The following CPQ variants were observed in gnomAD, a reference collection of about 807,000 sequenced individuals.
CPQ encodes the protein Ser-Met dipeptidase.
Under a neutral mutation model 45.7 loss-of-function variants are expected in CPQ, and 37 were observed. That is an observed-to-expected ratio of 0.81 (90% CI 0.62 to 1.07). CPQ has a LOEUF of 1.07. Among genes scored for constraint, CPQ ranks in the 50% least tolerant of loss-of-function variants. The pLI is 0.00. For missense variants in CPQ, 537 were observed against 572.9 expected, an observed-to-expected ratio of 0.94 and a Z score of 0.64; for synonymous variants, 186 against 205.8, an observed-to-expected ratio of 0.90 and a Z score of 0.82.
rs560939975 is a variant in CPQ at position 96,685,283 on chromosome 8, T to C, written c.-35+39881T>C. Among the ~76,000 whole-genome samples the C allele has an allele frequency of 4.6e-4, 70 of 152,312 alleles. 1 individual carries two copies. Among genetic ancestry groups the C allele is most frequent in the African/African-American group, 1.6e-3 (68 of 41,580 alleles). ...TCAATTTTAATGGGTTCTGAGTTTT[T>C]TGACAGAATTAGAAAATCTTTATTG... On this transcript the variant is annotated intron_variant, in intron 1 of 7. Transcript: ENST00000220763.
At chr8:96,699,148 A>G (rs910432594) in intron 1 of CPQ, among the ~76,000 whole-genome samples, 3 of 152,216 alleles carry the variant, frequency 2.0e-5, no homozygotes, top group Non-Finnish European at 4.4e-5. Context: ...GTACTATTCA[A>G]CCACAAAAAG....
Position 97,143,210 on chromosome 8 carries a change from G to A in CPQ, c.*27G>A. The stretch of plus-strand genomic sequence containing the variant: ...AACAGTAAGAAAGAAACGTTTTCAT[G>A]CTTCTGGCCAGGAATCCTGGGTCTG... On this transcript the variant is annotated 3_prime_UTR_variant, in exon 8 of 8. Transcript: ENST00000220763. 6.2e-7 allele frequency: 1 copy of A among 1,608,940 alleles called. No individual in the cohort carries two copies. The highest frequency in any genetic ancestry group is 1.4e-5 in the African/African-American group (1 of 73,904).
chr8:96,855,274 A>G (rs1020061044), intron 3 of CPQ, among the ~76,000 whole-genome samples: 1 of 152,208 alleles, frequency 6.6e-6, no homozygotes, highest in Non-Finnish European at 1.5e-5. Flanking sequence ...AAGTTGATAC[A>G]TAACAATCAC....
chr8:97,054,965 C>G (rs1396419423), intron 6 of CPQ, among the ~76,000 whole-genome samples: 1 of 152,140 alleles, frequency 6.6e-6, no homozygotes, highest in Non-Finnish European at 1.5e-5. Context: ...GGGAAGTCTA[C>G]AGATAGCCAT....
At chr8:96,830,619 A>G (rs149369254) in intron 2 of CPQ, among the ~76,000 whole-genome samples, 5 of 152,266 alleles carry the variant, frequency 3.3e-5, no homozygotes, top group Admixed American at 6.5e-5. Context: ...TCAGTCCCAC[A>G]TTCTCTTCAG....
At chr8:96,730,586 T>A (rs1809898738) in intron 1 of CPQ, among the ~76,000 whole-genome samples, 1 of 151,952 alleles carries the variant, frequency 6.6e-6, no homozygotes, top group South Asian at 2.1e-4. Flanking sequence ...TGGTTGTCAG[T>A]GGGCCTATAA....
chr8:97,130,193 T>A (rs1355297703), intron 7 of CPQ, among the ~76,000 whole-genome samples: 2 of 152,174 alleles, frequency 1.3e-5, no homozygotes, highest in Non-Finnish European at 2.9e-5. Flanking sequence ...CGCTTTCCTC[T>A]CCACCTTTTA....
intron 3 of CPQ, among the ~76,000 whole-genome samples, chr8:96,876,966 C>A (rs1812154173): frequency 6.6e-6 from 1 of 151,972 alleles, no homozygotes; most frequent in South Asian, 2.1e-4. Context: ...AGAAGGGTTC[C>A]CTCCTCTTCT....
chr8:96,657,328 G>A (rs1047917484), intron 1 of CPQ, among the ~76,000 whole-genome samples: 9 of 152,178 alleles, frequency 5.9e-5, no homozygotes, highest in Non-Finnish European at 1.3e-4. Flanking sequence ...TGGGGCAACA[G>A]AGTGGGACTC....
intron 6 of CPQ, among the ~76,000 whole-genome samples, chr8:97,042,727 C>G (rs935924662): frequency 3.3e-5 from 5 of 151,284 alleles, no homozygotes; most frequent in African/African-American, 1.2e-4. Flanking sequence ...TTATTTCTGC[C>G]TTCATTTCGT....
chr8:96,854,528 C>CT (rs1811815722), intron 3 of CPQ, among the ~76,000 whole-genome samples: 1 of 6,386 alleles, frequency 1.6e-4, no homozygotes, highest in Non-Finnish European at 2.3e-4. Context: ...GAGACTCCGT[C>CT]TCAAAAAAAA....
At chr8:96,882,180 A>G (rs1009135040) in intron 4 of CPQ, among the ~76,000 whole-genome samples, 1 of 152,190 alleles carries the variant, frequency 6.6e-6, no homozygotes, top group African/African-American at 2.4e-5. Context: ...TCCCTCTTCT[A>G]AAATCATCTG....
intron 6 of CPQ, among the ~76,000 whole-genome samples, chr8:97,030,376 T>C: frequency 6.6e-6 from 1 of 152,034 alleles, no homozygotes; most frequent in South Asian, 2.1e-4. Flanking sequence ...TGACCTTTTT[T>C]TTTTTTCAAA....
chr8:97,064,239 T>A (rs1435034319), intron 6 of CPQ, among the ~76,000 whole-genome samples: 1 of 152,164 alleles, frequency 6.6e-6, no homozygotes, highest in African/African-American at 2.4e-5. Context: ...ATATTGTGAA[T>A]GTTCTTTTCT....
intron 4 of CPQ, among the ~76,000 whole-genome samples, chr8:96,964,009 A>G (rs558605533): frequency 4.0e-5 from 6 of 151,300 alleles, no homozygotes; most frequent in Non-Finnish European, 7.4e-5. Flanking sequence ...CCATTTCTAT[A>G]TTATTGCTAT....
intron 1 of CPQ, among the ~76,000 whole-genome samples, chr8:96,749,309 A>G (rs1314207802): frequency 6.6e-6 from 1 of 152,190 alleles, no homozygotes; most frequent in Admixed American, 6.6e-5. Context: ...CGCTCTGGGA[A>G]ATAGTTTAAC....
chr8:96,959,910 A>AC (rs1467542959), intron 4 of CPQ, among the ~76,000 whole-genome samples: 1 of 148,062 alleles, frequency 6.8e-6, no homozygotes, highest in Non-Finnish European at 1.5e-5. Context: ...AAAAAAAAAA[A>AC]CCAAAAACAC....
intron 4 of CPQ, among the ~76,000 whole-genome samples, chr8:96,933,708 G>A (rs890872081): frequency 6.6e-6 from 1 of 152,102 alleles, no homozygotes; most frequent in Non-Finnish European, 1.5e-5. Context: ...TACCCATGTT[G>A]CAAGATGGAG....
chr8:96,671,109 A>G (rs960569249), intron 1 of CPQ, among the ~76,000 whole-genome samples: 1 of 152,342 alleles, frequency 6.6e-6, no homozygotes, highest in African/African-American at 2.4e-5. Flanking sequence ...TGATCCCAAC[A>G]TAAAAACTGT....
Sources: gnomAD v4.1 joint callset for allele counts (sites outside exome capture counted in the v4.1 genomes callset) on GRCh38, gnomAD v4.1.1 for gene constraint, MANE v1.5 for transcripts, NCBI Gene and HGNC (gene_info 2026-07-23, HGNC 2026-07-21) for gene names.